DMD: variants seen among roughly 807,000 people sequenced by gnomAD.
DMD encodes dystrophin, also known as mutant dystrophin.
A neutral mutation model predicts 330.1 loss-of-function variants in DMD; 63 were observed. That is an observed-to-expected ratio of 0.19 (90% CI 0.16 to 0.24). The LOEUF (loss-of-function observed/expected upper bound fraction) is 0.24. Among genes scored for constraint, DMD ranks in the 10% least tolerant of loss-of-function variants. The pLI, the probability that DMD is intolerant of heterozygous loss-of-function variation, is 1.00. For missense variants in DMD, 3,344 were observed against 2,684.1 expected, an observed-to-expected ratio of 1.25 and a Z score of -5.43; for synonymous variants, 1,223 against 959.8, an observed-to-expected ratio of 1.27 and a Z score of -5.07.
chrX:31,604,734 T>C (rs1298296605), intron 55 of DMD, among the ~76,000 whole-genome samples: 1 of 111,977 alleles, frequency 8.9e-6, no homozygotes, highest in Non-Finnish European at 1.9e-5. Flanking sequence ...ATAATGCAGC[T>C]AGAAGAACCA....
At chrX:31,932,774 A>G (rs1323071374) in intron 45 of DMD, among the ~76,000 whole-genome samples, 1 of 112,187 alleles carries the variant, frequency 8.9e-6, no homozygotes, top group African/African-American at 3.2e-5. Context: ...GTACGTACAT[A>G]CATACATACA....
At chrX:31,250,951 G>A (rs1569502946) in intron 63 of DMD, among the ~76,000 whole-genome samples, 1 of 109,726 alleles carries the variant, frequency 9.1e-6, no homozygotes, top group Non-Finnish European at 1.9e-5. Flanking sequence ...GTGTGGTGGT[G>A]CACACCTGTA....
intron 1 of DMD, among the ~76,000 whole-genome samples, chrX:33,320,214 G>A (rs1345446932): frequency 9.8e-5 from 11 of 111,809 alleles, no homozygotes. Flanking sequence ...GACACCAAAT[G>A]CCAATGGTAC....
At chrX:31,178,450 C>T in intron 70 of DMD, 1 of 933,090 alleles carries the variant, frequency 1.1e-6, no homozygotes, top group Non-Finnish European at 1.3e-6. Flanking sequence ...TTTTTTTTCC[C>T]CCTGTGAGAT....
In DMD at chrX:32,133,117, T is replaced by G. The variant is rs777148402; in HGVS notation, c.6438+83799A>C. ...TCTGTCTCCTAGGTACAAGCAATTCTTCTGCCTCAGCCTCCAGAGCAGCTG... is the reference window on the plus strand; with the variant it reads ...TCTGTCTCCTAGGTACAAGCAATTCGTCTGCCTCAGCCTCCAGAGCAGCTG... On this transcript the variant is annotated intron_variant, in intron 44 of 78. Transcript: ENST00000357033. Among the ~76,000 whole-genome samples the G allele has an allele frequency of 6.6e-4, 71 of 107,384 alleles. 1 individual carries two copies. The highest frequency in any genetic ancestry group is 4.8e-3 in the Middle Eastern group (1 of 208). 93.3% of individuals were successfully genotyped at this position (107,384 alleles called of 115,157 possible).
At chrX:33,252,962 T>C (rs1270838530) in intron 1 of DMD, among the ~76,000 whole-genome samples, 6 of 111,729 alleles carry the variant, frequency 5.4e-5, no homozygotes, top group Non-Finnish European at 1.1e-4. Context: ...CAATAATACT[T>C]TCTGTTATGA....
chrX:31,240,544 T>G (rs760173344), intron 63 of DMD, among the ~76,000 whole-genome samples: 1 of 111,711 alleles, frequency 9.0e-6, no homozygotes, highest in South Asian at 3.8e-4. Context: ...TTCCAAATTC[T>G]TAGCTTCACC....
At chrX:31,177,748 T>C (rs1928924493) in intron 71 of DMD, among the ~76,000 whole-genome samples, 184 bp downstream of exon 71, 1 of 108,592 alleles carries the variant, frequency 9.2e-6, no homozygotes, top group South Asian at 4.0e-4. Flanking sequence ...CTGATCTGTG[T>C]AGATGGTACT....
chrX:32,637,032 T>G (rs982356061), intron 11 of DMD, among the ~76,000 whole-genome samples: 6 of 110,976 alleles, frequency 5.4e-5, no homozygotes, highest in African/African-American at 2.0e-4. Context: ...AAGATTCTTG[T>G]GGCAAATACA....
intron 2 of DMD, among the ~76,000 whole-genome samples, chrX:32,884,026 A>G (rs2084282164): frequency 9.2e-6 from 1 of 109,108 alleles, no homozygotes; most frequent in Non-Finnish European, 1.9e-5. Flanking sequence ...GTTTTGATGT[A>G]CTCTATCCCT....
intron 9 of DMD, among the ~76,000 whole-genome samples, chrX:32,650,202 T>C (rs890757591): frequency 4.5e-5 from 5 of 112,070 alleles, no homozygotes; most frequent in Non-Finnish European, 9.4e-5. Context: ...CAGTTTTATA[T>C]CACTGATAAA....
At chrX:33,055,158 G>A (rs1284452122) in intron 1 of DMD, among the ~76,000 whole-genome samples, 1 of 111,589 alleles carries the variant, frequency 9.0e-6, no homozygotes, top group Non-Finnish European at 1.9e-5. Context: ...GTTGCCCTGA[G>A]ACAGGAAAAC....
intron 9 of DMD, among the ~76,000 whole-genome samples, chrX:32,666,690 G>A (rs750653680): frequency 1.8e-5 from 2 of 109,933 alleles, no homozygotes; most frequent in South Asian, 4.0e-4. Context: ...TTAGCCAGGC[G>A]TGGTGGTGGG....
At chrX:32,332,551 T>C (rs143348770) in intron 41 of DMD, among the ~76,000 whole-genome samples, 2,438 of 109,538 alleles carry the variant, frequency 0.022, 77 homozygotes, top group African/African-American at 0.076. Flanking sequence ...AGGATTATTT[T>C]AGGCAGAGGT....
intron 60 of DMD, among the ~76,000 whole-genome samples, chrX:31,373,140 C>G (rs1206851730): frequency 4.7e-5 from 5 of 106,688 alleles, no homozygotes; most frequent in Admixed American, 3.1e-4. Flanking sequence ...TCAAGGAGAA[C>G]TACAAACCAC....
intron 47 of DMD, among the ~76,000 whole-genome samples, chrX:31,884,557 CTA>C (rs1453846397): frequency 9.0e-6 from 1 of 111,387 alleles, no homozygotes; most frequent in Non-Finnish European, 1.9e-5. Context: ...GGAATAAATC[CTA>C]GTTATCTGTT....
At chrX:31,743,570 T>C (rs764158212) in intron 51 of DMD, among the ~76,000 whole-genome samples, 48 of 112,078 alleles carry the variant, frequency 4.3e-4, no homozygotes, top group African/African-American at 1.6e-3. Context: ...CTGGAGGCCA[T>C]TATTCTAAGT....
chrX:31,758,886 T>C (rs2089346913), intron 51 of DMD, among the ~76,000 whole-genome samples: 1 of 112,253 alleles, frequency 8.9e-6, no homozygotes, highest in Admixed American at 9.5e-5. Flanking sequence ...TCAAAGGGAA[T>C]TTCTTAAAGA....
At chrX:33,070,347 T>C (rs2094726678) in intron 1 of DMD, among the ~76,000 whole-genome samples, 1 of 110,427 alleles carries the variant, frequency 9.1e-6, no homozygotes, top group African/African-American at 3.3e-5. Context: ...AGGGATGACT[T>C]CCCCTCTGGC....
Sources: allele counts gnomAD v4.1 joint callset (sites outside exome capture counted in the v4.1 genomes callset), GRCh38; gene constraint gnomAD v4.1.1; transcripts MANE v1.5; gene names NCBI Gene and HGNC (gene_info 2026-07-23, HGNC 2026-07-21).